Variants in EZR observed in about 807,000 individuals in gnomAD.
EZR encodes ezrin.
EZR carries 40 observed loss-of-function variants against 74.8 expected under a neutral mutation model. The ratio of observed to expected loss-of-function variants is 0.53; its 90% CI spans 0.42 to 0.70. EZR has a LOEUF of 0.70. Ranked by LOEUF, EZR falls within the 30% of genes least tolerant of loss-of-function variation. The probability of loss-of-function intolerance (pLI) is 0.00; values close to 1 mark genes in which losing one functional copy is unlikely to be tolerated. For missense variants in EZR, 678 were observed against 755.8 expected (o/e 0.90, Z 1.21); for synonymous variants, 341 against 283.3 (o/e 1.20, Z -2.05).
rs1777065095 is a variant in EZR, at chr6:158,796,126, C to T, written c.13-6755G>A. On this transcript the variant is annotated intron_variant, in intron 2 of 13. Coordinates refer to ENST00000367075, the MANE Select transcript of EZR (RefSeq NM_001111077.2). The stretch of plus-strand genomic sequence containing the variant: ...CAGAGGTCCAATAAATACTCTCTGA[C>T]CACTAGGAGAAAAGTAACCCACTAG... Among the ~76,000 whole-genome samples, 3 of 152,276 alleles carry T rather than the reference C, an allele frequency of 2.0e-5. No homozygotes were observed. In the South Asian group the frequency reaches 6.2e-4, roughly 32 times the overall value.
chr6:158,787,765 G>A (rs1005031024), intron 3 of EZR, among the ~76,000 whole-genome samples: 9 of 152,350 alleles, frequency 5.9e-5, no homozygotes, highest in African/African-American at 2.2e-4. Context: ...CTTCTGGGAC[G>A]GAAGGGTGTC....
Position 158,785,400 on chromosome 6 carries a change from C to T in EZR, c.376G>A (p.Gly126Arg). ...YCPPETAVLL[G>R]SYAVQAKFGD... is the part of the protein sequence containing the mutation. Reference sequence around the variant, plus strand: ...AACTTGGCCTGCACAGCGTAGGACCCCAAGAGCACGGCAGTCTCAGGGGGG... The same window carrying T: ...AACTTGGCCTGCACAGCGTAGGACCTCAAGAGCACGGCAGTCTCAGGGGGG... The change falls in exon 5 of 14, where the codon GGG becomes AGG. Residue 126 changes from glycine (G) to arginine (R), a missense_variant. By Grantham distance (125) the Gly-to-Arg change is moderately radical. Around this residue, in one of 3 missense-constraint regions of EZR, gnomAD observed 217 missense variants for 232.2 expected, o/e 0.93. Coordinates refer to ENST00000367075, the MANE Select transcript of EZR (RefSeq NM_001111077.2). 1 of 1,614,152 alleles carries T rather than the reference C, an allele frequency of 6.2e-7. No homozygotes were observed. Among genetic ancestry groups the T allele is most frequent in the East Asian group, 2.2e-5 (1 of 44,876 alleles).
At chr6:158,802,884 G>C (rs886633710) in intron 2 of EZR, among the ~76,000 whole-genome samples, 3 of 152,092 alleles carry the variant, frequency 2.0e-5, no homozygotes, top group Non-Finnish European at 4.4e-5. Context: ...CTCGAATACA[G>C]CATCCAGCCC....
intron 8 of EZR, among the ~76,000 whole-genome samples, chr6:158,771,644 C>T (rs184270650): frequency 2.6e-5 from 4 of 152,258 alleles, no homozygotes; most frequent in African/African-American, 7.2e-5. Flanking sequence ...TTCTCTGGGA[C>T]GGGTGGAGGA....
rs540441090 is a variant in EZR, at chr6:158,770,650, G to A, written c.1090+114C>T. 548 of 1,213,388 alleles carry A rather than the reference G, an allele frequency of 4.5e-4. 1 individual carries two copies. Among genetic ancestry groups the A allele is most frequent in the Middle Eastern group, 3.4e-3 (13 of 3,782 alleles). The allele number at this position is 1,213,388 out of a possible 1,614,324, so 75.2% of individuals were successfully genotyped here. A position where few individuals can be genotyped will look rare whatever the true frequency, so the allele number is the denominator to read the frequency against. On this transcript the variant is annotated intron_variant, in intron 10 of 13. Transcript: ENST00000367075. ...TTTATCATTTCGGCTGTGAGTCTGC[G>A]CTGTGGGACACGTTCTTGGTTTCCT...
At chr6:158,782,044 C>G (rs963127212) in intron 7 of EZR, among the ~76,000 whole-genome samples, 5 of 152,166 alleles carry the variant, frequency 3.3e-5, no homozygotes, top group African/African-American at 2.4e-5. Flanking sequence ...CAGGTGTGAG[C>G]CGCTGTGCCT....
At chr6:158,774,672 A>AACACACACACACACACACACACAC (rs56400693) in intron 8 of EZR, among the ~76,000 whole-genome samples, 2 of 142,396 alleles carry the variant, frequency 1.4e-5, no homozygotes, top group Non-Finnish European at 3.0e-5. Context: ...CTTATCATCA[A>AACACACACACACACACACACACAC]ACACACACAC....
At chr6:158,771,587 G>A (rs747084443) in intron 8 of EZR, among the ~76,000 whole-genome samples, 180 bp from the exon 9 acceptor site, 35 of 152,202 alleles carry the variant, frequency 2.3e-4, no homozygotes, top group African/African-American at 6.5e-4. Flanking sequence ...GGCACGTGCC[G>A]CGTGTGTGTG....
At chr6:158,772,572 G>GTGA (rs1416484806) in intron 8 of EZR, among the ~76,000 whole-genome samples, 3 of 152,230 alleles carry the variant, frequency 2.0e-5, no homozygotes, top group Non-Finnish European at 2.9e-5. Flanking sequence ...CAGAATCACA[G>GTGA]CCTTCGGGAA....
In EZR at chr6:158,767,429, G is replaced by A. The variant is rs199951315; in HGVS notation, c.1428C>T (p.Pro476=). Residue 476 remains proline (P), a synonymous_variant, in exon 13 of 14, where the codon CCC becomes CCT. Coordinates refer to ENST00000367075, the MANE Select transcript of EZR (RefSeq NM_001111077.2). The part of the protein sequence containing the change: ...VMTAPPPPPP[P]VYEPVSYHVQ... ...CATGGTAGCTCACCGGCTCGTACAC[G>A]GGGGGTGGTGGGGGCGGGGGTGCTG... 1.2e-4 allele frequency: 198 copies of A among 1,613,202 alleles called. No individual in the cohort carries two copies. The highest frequency in any genetic ancestry group is 4.2e-4 in the East Asian group (19 of 44,850).
chr6:158,768,581 G>A (rs943717197), intron 12 of EZR, among the ~76,000 whole-genome samples: 1 of 152,188 alleles, frequency 6.6e-6, no homozygotes, highest in Non-Finnish European at 1.5e-5. Flanking sequence ...CTTAAAGCCT[G>A]GTGTGCAGTC....
chr6:158,779,563 A>AAT (rs150279731), intron 7 of EZR, among the ~76,000 whole-genome samples: 5 of 152,216 alleles, frequency 3.3e-5, no homozygotes, highest in South Asian at 2.1e-4. Flanking sequence ...AGTTTGAAAT[A>AAT]ATATATATAT....
intron 2 of EZR, among the ~76,000 whole-genome samples, chr6:158,792,937 G>A (rs1791783622): frequency 1.3e-5 from 2 of 151,978 alleles, no homozygotes; most frequent in Admixed American, 6.6e-5. Flanking sequence ...TAGCTGGTCC[G>A]ATCATTCCAC....
At chr6:158,790,808 T>C (rs1328500060) in intron 2 of EZR, among the ~76,000 whole-genome samples, 1 of 152,212 alleles carries the variant, frequency 6.6e-6, no homozygotes, top group Non-Finnish European at 1.5e-5. Context: ...TCTGGCTACT[T>C]TATGTCACTG....
chr6:158,768,893 G>A (rs1423902853), intron 12 of EZR, among the ~76,000 whole-genome samples: 3 of 152,202 alleles, frequency 2.0e-5, no homozygotes, highest in African/African-American at 7.2e-5. Context: ...CAAGGAGCTG[G>A]ATCTTTCCAT....
Position 158,818,132 on chromosome 6 carries a change from C to A in EZR, c.-39G>T, listed in dbSNP as rs538299541. 99 of 1,606,056 alleles carry A rather than the reference C, an allele frequency of 6.2e-5. No homozygotes were observed. In the South Asian group the frequency reaches 1.0e-3, roughly 17 times the overall value. ...TGAGTATCCTCGATCCCCGAAAACA[C>A]GACTATCCAGCAGCAGCGAAGACGC... On this transcript the variant is annotated 5_prime_UTR_variant, in exon 2 of 14. Coordinates refer to ENST00000367075, the MANE Select transcript of EZR (RefSeq NM_001111077.2).
chr6:158,792,315 G>A (rs374561218), intron 2 of EZR, among the ~76,000 whole-genome samples: 2 of 149,476 alleles, frequency 1.3e-5, no homozygotes, highest in Admixed American at 6.7e-5. Flanking sequence ...GGGTTCAAAC[G>A]ATTCTCCTGC....
chr6:158,785,347 C>T lies in EZR; in HGVS notation c.429G>A (p.Lys143=), dbSNP rs1791548147. The change falls in exon 5 of 14, where the codon AAG becomes AAA. Residue 143 remains lysine (K), a synonymous_variant. Transcript: ENST00000367075. ...KFGDYNKEVH[K]SGYLSSERLI... ...GCCGCTCAGAGCTGAGGTACCCAGA[C>T]TTGTGCACTTCTTTGTTGTAGTCCC... The T allele has an allele frequency of 1.9e-6, 3 of 1,614,112 alleles. No individual in the cohort carries two copies. The highest frequency in any genetic ancestry group is 2.5e-6 in the Non-Finnish European group (3 of 1,180,048).
intron 2 of EZR, among the ~76,000 whole-genome samples, chr6:158,797,007 T>C (rs1016806040): frequency 6.6e-6 from 1 of 152,232 alleles, no homozygotes; most frequent in Non-Finnish European, 1.5e-5. Flanking sequence ...TGAATATAAT[T>C]GCTGAATATT....
Sources: gnomAD v4.1 joint callset for allele counts (sites outside exome capture counted in the v4.1 genomes callset) on GRCh38, gnomAD v4.1.1 for gene constraint, gnomAD v4.1.1 regional missense constraint, MANE v1.5 for transcripts, NCBI Gene and HGNC (gene_info 2026-07-23, HGNC 2026-07-21) for gene names.